Variants in ENPP6 observed in about 807,000 individuals in gnomAD.
ENPP6 encodes the protein glycerophosphocholine cholinephosphodiesterase ENPP6.
ENPP6 carries 32 observed loss-of-function variants against 42.0 expected under a neutral mutation model. The observed-to-expected ratio is 0.76, with a 90% CI of 0.58 to 1.02. The LOEUF is 1.02. ENPP6 is among the 50% of genes least tolerant of loss of function. The pLI is 0.00. For synonymous variants in ENPP6, 213 were observed against 216.0 expected (o/e 0.99, Z 0.12); for missense variants, 552 against 566.8 (o/e 0.97, Z 0.27).
intron 1 of ENPP6, among the ~76,000 whole-genome samples, chr4:184,168,128 G>A (rs929832433): frequency 6.6e-6 from 1 of 152,144 alleles, no homozygotes; most frequent in Non-Finnish European, 1.5e-5. Flanking sequence ...CAGCAAACCA[G>A]AGTTCAAATC....
chr4:184,101,788 G>A lies in ENPP6; in HGVS notation c.994-4420C>T, dbSNP rs556486447. The stretch of plus-strand genomic sequence containing the variant: ...TTCAGCACTTCCCAGTGCCTTCCAG[G>A]ACCCCTCCTCTAGACAGGGGTAGAC... On this transcript the variant is annotated intron_variant, in intron 6 of 7. Transcript: ENST00000296741. 2.1e-3 allele frequency among the ~76,000 whole-genome samples: 316 copies of A among 152,276 alleles called. 1 individual carries two copies. In the South Asian group the frequency reaches 0.037, roughly 18 times the overall value.
chr4:184,138,381 CAATT>C (rs1469101487), intron 2 of ENPP6, among the ~76,000 whole-genome samples: 2 of 152,192 alleles, frequency 1.3e-5, no homozygotes, highest in African/African-American at 4.8e-5. Context: ...GCTGACAACT[CAATT>C]AAGTTTTTCT....
At chr4:184,103,846 G>T (rs375113137) in intron 6 of ENPP6, among the ~76,000 whole-genome samples, 1 of 152,046 alleles carries the variant, frequency 6.6e-6, no homozygotes, top group African/African-American at 2.4e-5. Flanking sequence ...CTCAGGCCTC[G>T]GCCTGCTGGC....
intron 2 of ENPP6, among the ~76,000 whole-genome samples, chr4:184,132,173 C>A (rs1361433946): frequency 6.6e-6 from 1 of 152,170 alleles, no homozygotes; most frequent in Non-Finnish European, 1.5e-5. Flanking sequence ...CAACTGGAAA[C>A]CCCCAACAGA....
At chr4:184,126,482 C>T (rs1391383174) in intron 2 of ENPP6, among the ~76,000 whole-genome samples, 1 of 152,164 alleles carries the variant, frequency 6.6e-6, no homozygotes, top group Non-Finnish European at 1.5e-5. Context: ...CAGCAGCCTA[C>T]CGTGGCTACC....
At position 184,099,924 on chromosome 4, in the gene ENPP6, A is replaced by C. The variant is rs193006850; in HGVS notation, c.994-2556T>G. On this transcript the variant is annotated intron_variant, in intron 6 of 7. Transcript: ENST00000296741. Reference sequence around the variant, plus strand: ...AAGTAGAACACTTTTGCTATTAACAACCTCACCAATTATGAACCTCATAGT... The same window carrying C: ...AAGTAGAACACTTTTGCTATTAACACCCTCACCAATTATGAACCTCATAGT... Among the ~76,000 whole-genome samples the C allele has an allele frequency of 4.0e-4, 61 of 152,330 alleles. No homozygotes were observed. In the East Asian group the frequency reaches 0.011, roughly 26 times the overall value.
At chr4:184,117,071 A>G in intron 4 of ENPP6, 36 bp from the exon 5 acceptor site, 1 of 1,611,820 alleles carries the variant, frequency 6.2e-7, no homozygotes. Context: ...TACGGCACCA[A>G]CAGAGAGGCT....
intron 3 of ENPP6, among the ~76,000 whole-genome samples, chr4:184,123,200 A>G (rs534889952): frequency 7.1e-4 from 108 of 152,294 alleles, no homozygotes; most frequent in African/African-American, 2.5e-3. Flanking sequence ...TGGCATCGGA[A>G]GGGCGTGGCA....
chr4:184,113,899 T>TTTCC (rs1409161618), intron 5 of ENPP6, among the ~76,000 whole-genome samples: 2 of 103,626 alleles, frequency 1.9e-5, no homozygotes, highest in Non-Finnish European at 3.9e-5. Flanking sequence ...CCTTTCTTTC[T>TTTCC]TTTCTTTCTT....
intron 2 of ENPP6, among the ~76,000 whole-genome samples, chr4:184,125,939 G>A (rs989017214): frequency 6.6e-6 from 1 of 152,104 alleles, no homozygotes; most frequent in African/African-American, 2.4e-5. Flanking sequence ...CTCTCTCAAA[G>A]CTATTTTTTC....
At chr4:184,174,075 T>G (rs983599505) in intron 1 of ENPP6, among the ~76,000 whole-genome samples, 9 of 151,684 alleles carry the variant, frequency 5.9e-5, no homozygotes, top group African/African-American at 2.2e-4. Context: ...AGAGGCACGA[T>G]CCGATGCCAC....
chr4:184,205,017 T>A (rs911297487), intron 1 of ENPP6, among the ~76,000 whole-genome samples: 4 of 152,042 alleles, frequency 2.6e-5, no homozygotes, highest in Non-Finnish European at 5.9e-5. Flanking sequence ...TGCAACCTCC[T>A]CCTCCTGGGT....
At chr4:184,106,665 C>T (rs1033889634) in intron 6 of ENPP6, among the ~76,000 whole-genome samples, 1 of 152,114 alleles carries the variant, frequency 6.6e-6, no homozygotes, top group African/African-American at 2.4e-5. Context: ...ACCCCAGTAC[C>T]CTCTTTCATG....
At chr4:184,209,118 A>C (rs1354028010) in intron 1 of ENPP6, among the ~76,000 whole-genome samples, 1 of 150,972 alleles carries the variant, frequency 6.6e-6, no homozygotes, top group Non-Finnish European at 1.5e-5. Context: ...AAAGTAGATA[A>C]AACCACAAAG....
intron 5 of ENPP6, among the ~76,000 whole-genome samples, chr4:184,115,533 G>A (rs1010717326): frequency 6.6e-6 from 1 of 152,184 alleles, no homozygotes; most frequent in Non-Finnish European, 1.5e-5. Context: ...TCTTGGCACT[G>A]TGGGAACTCA....
chr4:184,198,664 A>G (rs1425509931), intron 1 of ENPP6, among the ~76,000 whole-genome samples: 1 of 152,250 alleles, frequency 6.6e-6, no homozygotes, highest in Admixed American at 6.5e-5. Context: ...AACTCTTTGA[A>G]TGTGAATGTA....
chr4:184,169,185 C>G (rs1737414833), intron 1 of ENPP6, among the ~76,000 whole-genome samples: 1 of 152,250 alleles, frequency 6.6e-6, no homozygotes, highest in African/African-American at 2.4e-5. Flanking sequence ...GTGACCCAAC[C>G]TCTCTGGCTC....
chr4:184,164,004 C>T (rs921992495), intron 1 of ENPP6, among the ~76,000 whole-genome samples: 23 of 152,322 alleles, frequency 1.5e-4, no homozygotes, highest in African/African-American at 4.6e-4. Context: ...TGGGGCCACC[C>T]GCTGGAAGCC....
intron 6 of ENPP6, 78 bp from the exon 7 acceptor site, chr4:184,097,446 T>G (rs1735931597): frequency 1.1e-5 from 17 of 1,582,714 alleles, no homozygotes; most frequent in Non-Finnish European, 1.5e-5. Flanking sequence ...AAGCCGCCAC[T>G]CCACCGGGGG....
Sources: allele counts gnomAD v4.1 joint callset (sites outside exome capture counted in the v4.1 genomes callset), GRCh38; gene constraint gnomAD v4.1.1; transcripts MANE v1.5; gene names NCBI Gene and HGNC (gene_info 2026-07-23, HGNC 2026-07-21).